The following USH2A variants were observed in gnomAD, a reference collection of about 807,000 sequenced individuals.
USH2A encodes Usher syndrome 2A (autosomal recessive, mild).
A neutral mutation model predicts 538.9 loss-of-function variants in USH2A; 443 were observed. The observed-to-expected ratio is 0.82, with a 90% CI of 0.76 to 0.89. USH2A has a LOEUF of 0.89. Ranked by LOEUF, USH2A falls within the 40% of genes least tolerant of loss-of-function variation. The probability of loss-of-function intolerance (pLI) is 0.00; values close to 1 mark genes in which losing one functional copy is unlikely to be tolerated. For missense variants in USH2A, 6,633 were observed against 6,324.8 expected (o/e 1.05, Z -1.65); for synonymous variants, 2,413 against 2,273.5 (o/e 1.06, Z -1.75).
chr1:216,421,954 A>T lies in USH2A; in HGVS notation c.383T>A (p.Ile128Asn). 1.2e-6 allele frequency: 2 copies of T among 1,613,972 alleles called. No homozygotes were observed. The highest frequency in any genetic ancestry group is 1.7e-6 in the Non-Finnish European group (2 of 1,179,910). ...PNAHSNSASF[I>N]FGNHKSCFSS... ...AAAGCAGCTCTTGTGATTTCCAAAA[A>T]TAAAACTTGCAGAATTGCTATGGGC... Residue 128 changes from isoleucine to asparagine, a missense_variant, in exon 2 of 72, where the codon ATT (isoleucine) becomes AAT (asparagine). Coordinates refer to ENST00000307340, the MANE Select transcript of USH2A (RefSeq NM_206933.4).
chr1:216,338,828 A>G (rs996978233), intron 4 of USH2A, among the ~76,000 whole-genome samples: 3 of 151,624 alleles, frequency 2.0e-5, no homozygotes, highest in Non-Finnish European at 4.4e-5. Context: ...AACGAAAATA[A>G]GGGAGTATTT....
intron 16 of USH2A, chr1:216,204,392 A>C (rs551295560): frequency 7.3e-5 from 11 of 150,782 alleles, no homozygotes; most frequent in Non-Finnish European, 1.3e-4. Context: ...TTAATTATTC[A>C]CAATCTTTAA....
intron 15 of USH2A, among the ~76,000 whole-genome samples, chr1:216,213,671 A>T (rs192660313): frequency 2.0e-3 from 309 of 152,032 alleles, no homozygotes; most frequent in African/African-American, 7.3e-3. Context: ...TTTCACATTG[A>T]GTCAATCCAA....
chr1:216,086,740 T>C lies in USH2A; in HGVS notation c.4966A>G (p.Thr1656Ala), dbSNP rs531169600. 1 of 1,612,784 alleles carries C rather than the reference T, an allele frequency of 6.2e-7. No homozygotes were observed. Among genetic ancestry groups the C allele is most frequent in the Non-Finnish European group, 8.5e-7 (1 of 1,179,206 alleles). Residue 1656 changes from threonine (T) to alanine (A), a missense_variant, in exon 24 of 72, where the codon ACC becomes GCC. Thr to Ala is a moderately conservative substitution (Grantham distance 58). Coordinates refer to ENST00000307340, the MANE Select transcript of USH2A (RefSeq NM_206933.4). Reference protein sequence around the residue: ...VFLGGLPRSYTILRKDPEIIQ... With the variant: ...VFLGGLPRSYAILRKDPEIIQ... ...TCACCAGGATCCTTCCTGAGGATGG[T>C]ATAACTTCGCGGGAGCCCTCCCAGA...
chr1:216,330,996 T>C (rs978421047), intron 4 of USH2A, among the ~76,000 whole-genome samples: 1 of 152,232 alleles, frequency 6.6e-6, no homozygotes, highest in African/African-American at 2.4e-5. Flanking sequence ...ATAAAGGGGC[T>C]GGGTTTTATA....
chr1:216,345,342 T>C (rs1183012081), intron 4 of USH2A, among the ~76,000 whole-genome samples: 4 of 152,072 alleles, frequency 2.6e-5, no homozygotes, highest in Non-Finnish European at 4.4e-5. Context: ...CTAATGTCTA[T>C]GTCACACATA....
chr1:216,366,910 G>A (rs530212850), intron 3 of USH2A, among the ~76,000 whole-genome samples: 3 of 152,080 alleles, frequency 2.0e-5, no homozygotes, highest in Admixed American at 2.0e-4. Flanking sequence ...TTTGGTGTTT[G>A]ACTGTTATCA....
At position 215,813,786 on chromosome 1, in the gene USH2A, G is replaced by A; in HGVS notation, c.9689C>T (p.Ala3230Val). 6.2e-7 allele frequency: 1 copy of A among 1,613,894 alleles called. No individual in the cohort carries two copies. Among genetic ancestry groups the A allele is most frequent in the Non-Finnish European group, 8.5e-7 (1 of 1,179,874 alleles). The change falls in exon 49 of 72, where the codon GCA becomes GTA. Residue 3230 changes from alanine (A) to valine (V), a missense_variant. Physicochemically the swap from Ala to Val is moderately conservative, Grantham distance 64. Coordinates refer to ENST00000307340, the MANE Select transcript of USH2A (RefSeq NM_206933.4). ...GVCCGGRIQE[A>V]QPNHQCCSGY... ...AGAGCAGCACTGATGATTTGGTTGT[G>A]CCTCCTGTATTCGGCCACCACAACA...
chr1:216,321,559 GC>G (rs1335786220), intron 9 of USH2A, among the ~76,000 whole-genome samples: 8 of 151,956 alleles, frequency 5.3e-5, no homozygotes, highest in African/African-American at 1.2e-4. Context: ...TTTGTTTAGT[GC>G]CATGCTATCC....
intron 7 of USH2A, 30 bp downstream of exon 7, chr1:216,324,138 A>G (rs1361007573): frequency 6.2e-7 from 1 of 1,602,710 alleles, no homozygotes; most frequent in Admixed American, 1.7e-5. Flanking sequence ...CAATCAGTCT[A>G]TTAAATTAAT....
chr1:216,130,873 G>T (rs1313556885), intron 21 of USH2A, among the ~76,000 whole-genome samples: 1 of 151,644 alleles, frequency 6.6e-6, no homozygotes, highest in Admixed American at 6.6e-5. Flanking sequence ...AGTTCTGTAA[G>T]GAATCTCCAC....
At chr1:216,073,044 A>AG in intron 28 of USH2A, 53 bp downstream of exon 28, 2 of 1,613,032 alleles carry the variant, frequency 1.2e-6, no homozygotes, top group Non-Finnish European at 1.7e-6. Context: ...AGGGAGGGAA[A>AG]GGGGGATGAA....
At chr1:216,107,780 C>T (rs982596505) in intron 21 of USH2A, among the ~76,000 whole-genome samples, 1 of 150,948 alleles carries the variant, frequency 6.6e-6, no homozygotes, top group African/African-American at 2.4e-5. Flanking sequence ...CATTTTGCTA[C>T]CTTTTTCATC....
Position 215,631,316 on chromosome 1 carries a change from A to T in USH2A, c.15298-2281T>A, listed in dbSNP as rs542981796. On this transcript the variant is annotated intron_variant, in intron 70 of 71. Transcript: ENST00000307340. Reference sequence around the variant, plus strand: ...AAAAGACAGTCAATCTGGAAAACTGAGCAGGTGAATCTGGCTTGTTCCTAT... The same window carrying T: ...AAAAGACAGTCAATCTGGAAAACTGTGCAGGTGAATCTGGCTTGTTCCTAT... Among the ~76,000 whole-genome samples, 7 of 152,154 alleles carry T rather than the reference A, an allele frequency of 4.6e-5. No homozygotes were observed. The South Asian group carries it at 1.5e-3, about 32-fold the overall frequency.
intron 32 of USH2A, 28 bp downstream of exon 32, chr1:216,046,403 A>T (rs2030521828): frequency 6.2e-7 from 1 of 1,612,872 alleles, no homozygotes; most frequent in African/African-American, 1.3e-5. Flanking sequence ...AGACTATAAC[A>T]ATTCGCTGAT....
At chr1:216,276,655 G>A (rs567878826) in intron 11 of USH2A, among the ~76,000 whole-genome samples, 2 of 152,214 alleles carry the variant, frequency 1.3e-5, no homozygotes, top group African/African-American at 4.8e-5. Context: ...GGGTTTGTTG[G>A]ACTTACAGTT....
chr1:216,210,225 G>T (rs751999195), intron 15 of USH2A, among the ~76,000 whole-genome samples: 1 of 150,660 alleles, frequency 6.6e-6, no homozygotes, highest in East Asian at 1.9e-4. Context: ...AAGAATGAGG[G>T]TCGTGATCAA....
At chr1:215,722,050 G>A (rs1390299239) in intron 61 of USH2A, among the ~76,000 whole-genome samples, 1 of 141,176 alleles carries the variant, frequency 7.1e-6, no homozygotes, top group African/African-American at 2.7e-5. Context: ...GTGTGACAGA[G>A]CAAGACCCTG....
At chr1:215,960,993 C>T (rs6658138) in intron 37 of USH2A, among the ~76,000 whole-genome samples, 84 of 152,096 alleles carry the variant, frequency 5.5e-4, no homozygotes, top group African/African-American at 1.9e-3. Context: ...TCAGGTCCAA[C>T]CTTTGTTGCC....
Sources: gnomAD v4.1 joint callset for allele counts (sites outside exome capture counted in the v4.1 genomes callset) on GRCh38, gnomAD v4.1.1 for gene constraint, MANE v1.5 for transcripts, NCBI Gene and HGNC (gene_info 2026-07-23, HGNC 2026-07-21) for gene names.